Variants in PTPRK observed in about 807,000 individuals in gnomAD.
The protein encoded by PTPRK is protein tyrosine phosphatase receptor type K.
A neutral mutation model predicts 178.0 loss-of-function variants in PTPRK; 75 were observed. That is an observed-to-expected ratio of 0.42 (90% CI 0.35 to 0.51). The LOEUF (loss-of-function observed/expected upper bound fraction) is 0.51. Ranked by LOEUF, PTPRK falls within the 20% of genes least tolerant of loss-of-function variation. The probability of loss-of-function intolerance (pLI) is 0.02; values close to 1 mark genes in which losing one functional copy is unlikely to be tolerated. For missense variants in PTPRK, 1,441 were observed against 1,797.8 expected, an observed-to-expected ratio of 0.80 and a Z score of 3.59; for synonymous variants, 637 against 620.6, an observed-to-expected ratio of 1.03 and a Z score of -0.39.
chr6:128,064,158 T>A (rs1304206417), intron 13 of PTPRK, among the ~76,000 whole-genome samples: 1 of 152,182 alleles, frequency 6.6e-6, no homozygotes, highest in Non-Finnish European at 1.5e-5. Context: ...TAAATATTCA[T>A]TCAAAGATGC....
At chr6:128,325,828 C>T (rs1584169368) in intron 2 of PTPRK, among the ~76,000 whole-genome samples, 1 of 152,044 alleles carries the variant, frequency 6.6e-6, no homozygotes, top group African/African-American at 2.4e-5. Flanking sequence ...TGTATATATC[C>T]AAAGGATTAT....
At chr6:128,304,178 TG>T (rs1167322850) in intron 3 of PTPRK, among the ~76,000 whole-genome samples, 43 of 152,324 alleles carry the variant, frequency 2.8e-4, no homozygotes, top group African/African-American at 7.7e-4. Flanking sequence ...CACATAGTCT[TG>T]CCAAGCAAAA....
intron 2 of PTPRK, among the ~76,000 whole-genome samples, chr6:128,326,986 ATAAC>A (rs1417711645): frequency 1.3e-5 from 2 of 152,120 alleles, no homozygotes; most frequent in African/African-American, 4.8e-5. Context: ...GATCCTATAA[ATAAC>A]TAAATATTTC....
intron 13 of PTPRK, among the ~76,000 whole-genome samples, chr6:128,012,735 C>G (rs76517540): frequency 6.6e-6 from 1 of 151,360 alleles, no homozygotes; most frequent in Non-Finnish European, 1.5e-5. Flanking sequence ...TAAAGTCACA[C>G]AAATTTACCT....
chr6:128,395,319 C>T (rs1409410563), intron 2 of PTPRK, among the ~76,000 whole-genome samples: 1 of 152,130 alleles, frequency 6.6e-6, no homozygotes, highest in Admixed American at 6.5e-5. Flanking sequence ...TGATTAATTA[C>T]TTAATGTCCT....
At chr6:128,511,994 C>T (rs1857264313) in intron 1 of PTPRK, among the ~76,000 whole-genome samples, 2 of 152,096 alleles carry the variant, frequency 1.3e-5, no homozygotes, top group South Asian at 2.1e-4. Flanking sequence ...TCTTCTCCAA[C>T]ATATAAGAAA....
intron 1 of PTPRK, among the ~76,000 whole-genome samples, chr6:128,464,642 T>TACAC (rs1434720523): frequency 3.2e-4 from 24 of 74,934 alleles, no homozygotes; most frequent in South Asian, 1.4e-3. Flanking sequence ...TATACACATA[T>TACAC]ATATATATAT....
chr6:128,111,949 A>G (rs1790741130), intron 7 of PTPRK, among the ~76,000 whole-genome samples: 1 of 152,078 alleles, frequency 6.6e-6, no homozygotes. Context: ...ATGACTTATG[A>G]TTGAATGAAT....
At chr6:128,272,662 C>T (rs1480779309) in intron 3 of PTPRK, among the ~76,000 whole-genome samples, 2 of 152,150 alleles carry the variant, frequency 1.3e-5, no homozygotes, top group African/African-American at 4.8e-5. Flanking sequence ...CAATGAGATG[C>T]CATCTCACAC....
intron 3 of PTPRK, among the ~76,000 whole-genome samples, chr6:128,312,832 G>A (rs576571027): frequency 2.4e-4 from 37 of 151,484 alleles, no homozygotes; most frequent in African/African-American, 8.7e-4. Context: ...ACTTGGTTGT[G>A]GAAATGAATT....
At chr6:128,210,353 T>G (rs1807885740) in intron 6 of PTPRK, among the ~76,000 whole-genome samples, 1 of 131,614 alleles carries the variant, frequency 7.6e-6, no homozygotes, top group Non-Finnish European at 1.6e-5. Context: ...AACTTTGACC[T>G]AAATAACTCC....
At chr6:128,438,939 A>G (rs892820971) in intron 1 of PTPRK, among the ~76,000 whole-genome samples, 67 of 152,270 alleles carry the variant, frequency 4.4e-4, no homozygotes, top group African/African-American at 1.6e-3. Context: ...AAAAAAAATG[A>G]CCATATAATT....
intron 7 of PTPRK, among the ~76,000 whole-genome samples, chr6:128,178,108 G>A (rs1013298210): frequency 6.6e-6 from 1 of 151,794 alleles, no homozygotes; most frequent in African/African-American, 2.4e-5. Flanking sequence ...TTCAACGGAA[G>A]CATTAAACCA....
intron 1 of PTPRK, among the ~76,000 whole-genome samples, chr6:128,404,846 G>T (rs188956591): frequency 1.3e-5 from 2 of 152,306 alleles, no homozygotes; most frequent in Admixed American, 1.3e-4. Context: ...AAGTACCAGA[G>T]CCAGGGGCTG....
chr6:128,274,583 C>T (rs1219706766), intron 3 of PTPRK, among the ~76,000 whole-genome samples: 1 of 152,040 alleles, frequency 6.6e-6, no homozygotes, highest in Non-Finnish European at 1.5e-5. Context: ...TCTACAGAAG[C>T]AATCATCAGC....
At chr6:128,102,347 G>T (rs1447599988) in intron 7 of PTPRK, among the ~76,000 whole-genome samples, 1 of 152,120 alleles carries the variant, frequency 6.6e-6, no homozygotes. Context: ...CCACAGGCAG[G>T]TAAATTTATT....
chr6:128,412,718 G>T (rs1842441715), intron 1 of PTPRK, among the ~76,000 whole-genome samples: 1 of 152,206 alleles, frequency 6.6e-6, no homozygotes, highest in Non-Finnish European at 1.5e-5. Context: ...CTAAGGAAAG[G>T]CAGATTTCAT....
At chr6:128,058,121 T>C (rs2114903083) in intron 13 of PTPRK, among the ~76,000 whole-genome samples, 1 of 152,338 alleles carries the variant, frequency 6.6e-6, no homozygotes, top group African/African-American at 2.4e-5. Context: ...ACAGTGCTGC[T>C]ATAAATTTTG....
chr6:128,001,079 G>A, intron 15 of PTPRK: 1 of 709,126 alleles, frequency 1.4e-6, no homozygotes, highest in East Asian at 2.8e-5. Context: ...ACCTAATAAT[G>A]TGACTAGTAG....
Sources: gnomAD v4.1 joint callset for allele counts (sites outside exome capture counted in the v4.1 genomes callset) on GRCh38, gnomAD v4.1.1 for gene constraint, MANE v1.5 for transcripts, NCBI Gene and HGNC (gene_info 2026-07-23, HGNC 2026-07-21) for gene names.